The following AARS1 variants were observed in gnomAD, a reference collection of about 807,000 sequenced individuals.
AARS1 encodes the protein alanine--tRNA ligase, cytoplasmic.
In AARS1, 72 loss-of-function variants were observed where a neutral mutation model predicts 108.9. That is an observed-to-expected ratio of 0.66 (90% CI 0.55 to 0.80). The LOEUF is 0.80. AARS1 is among the 30% of genes least tolerant of loss of function. AARS1 has a pLI of 0.00. For missense variants in AARS1, 1,193 were observed against 1,233.2 expected (o/e 0.97, Z 0.49); for synonymous variants, 489 against 465.7 (o/e 1.05, Z -0.64).
At chr16:70,286,231 T>C (rs1197018599) in intron 1 of AARS1, among the ~76,000 whole-genome samples, 3 of 152,046 alleles carry the variant, frequency 2.0e-5, no homozygotes, top group African/African-American at 7.2e-5. Context: ...AACTCATTGA[T>C]TTATTCACTG....
chr16:70,278,391 C>A (rs1413131716), intron 2 of AARS1, among the ~76,000 whole-genome samples: 2 of 151,712 alleles, frequency 1.3e-5, no homozygotes, highest in African/African-American at 4.8e-5. Flanking sequence ...CATGGAGAAA[C>A]CCTGTCTCCA....
At chr16:70,286,263 G>C (rs1960835885) in intron 1 of AARS1, among the ~76,000 whole-genome samples, 2 of 152,082 alleles carry the variant, frequency 1.3e-5, no homozygotes, top group Non-Finnish European at 2.9e-5. Flanking sequence ...GGGATACAGA[G>C]GTAGCACAAA....
Position 70,282,735 on chromosome 16 carries a change from A to G in AARS1, c.29T>C (p.Ile10Thr), listed in dbSNP as rs1293134735. ...GAAGAAATCTATAAATCGCTGCCGGATTTCACTTGCTGTTAGAGTAGAGTC... is the reference window on the plus strand; with the variant it reads ...GAAGAAATCTATAAATCGCTGCCGGGTTTCACTTGCTGTTAGAGTAGAGTC... MDSTLTASEIRQRFIDFFKR... is the reference protein window; with the variant it reads MDSTLTASETRQRFIDFFKR... Residue 10 changes from isoleucine (I) to threonine (T), a missense_variant, in exon 2 of 21, where the codon ATC becomes ACC. Ile to Thr is a moderately conservative substitution (Grantham distance 89). Coordinates refer to ENST00000261772, the MANE Select transcript of AARS1 (RefSeq NM_001605.3). The G allele has an allele frequency of 1.2e-6, 2 of 1,614,126 alleles. No homozygotes were observed. The highest frequency in any genetic ancestry group is 1.7e-6 in the Non-Finnish European group (2 of 1,180,022).
At chr16:70,260,581 C>T (rs2152155421) in intron 13 of AARS1, among the ~76,000 whole-genome samples, 1 of 152,318 alleles carries the variant, frequency 6.6e-6, no homozygotes, top group Non-Finnish European at 1.5e-5. Context: ...TAGATTAACT[C>T]TTAGTTGCAT....
intron 15 of AARS1, 132 bp downstream of exon 15, chr16:70,257,901 G>A (rs888421133): frequency 2.1e-6 from 2 of 961,394 alleles, no homozygotes; most frequent in South Asian, 1.4e-5. Flanking sequence ...TCTTGGGAAC[G>A]CTATTTAGCA....
At chr16:70,283,268 G>A (rs1176348142) in intron 1 of AARS1, among the ~76,000 whole-genome samples, 3 of 152,050 alleles carry the variant, frequency 2.0e-5, no homozygotes, top group Non-Finnish European at 4.4e-5. Context: ...ATGGTGGTGC[G>A]TGCCTGTAAT....
chr16:70,259,820 T>C (rs1960090990), intron 13 of AARS1, among the ~76,000 whole-genome samples: 1 of 152,016 alleles, frequency 6.6e-6, no homozygotes, highest in Non-Finnish European at 1.5e-5. Context: ...TTGCCCAGTC[T>C]GGAGTGCTAT....
At chr16:70,276,159 G>A (rs60567469) in intron 4 of AARS1, 10,828 of 172,058 alleles carry the variant, frequency 0.063, 1,286 homozygotes, top group African/African-American at 0.25. Context: ...AGGTTGCAGT[G>A]AGCCGAGGTC....
intron 1 of AARS1, among the ~76,000 whole-genome samples, chr16:70,284,670 G>A (rs1960797938): frequency 1.3e-5 from 2 of 152,182 alleles, no homozygotes; most frequent in African/African-American, 2.4e-5. Context: ...CTGGGGAGAA[G>A]TGACAGGCTT....
At chr16:70,270,150 T>C in intron 6 of AARS1, 46 bp downstream of exon 6, 3 of 1,611,580 alleles carry the variant, frequency 1.9e-6, no homozygotes, top group Non-Finnish European at 2.5e-6. Flanking sequence ...GAGTACAGCC[T>C]GGAAAACTCC....
chr16:70,269,915 T>G, intron 6 of AARS1, 152 bp from the exon 7 acceptor site: 2 of 1,084,364 alleles, frequency 1.8e-6, no homozygotes, highest in South Asian at 1.3e-5. Context: ...ATTGGGGAAG[T>G]AGAGAGACTC....
chr16:70,287,514 G>A (rs1354360410), intron 1 of AARS1, among the ~76,000 whole-genome samples: 2 of 151,310 alleles, frequency 1.3e-5, no homozygotes, highest in Non-Finnish European at 2.9e-5. Flanking sequence ...GAAACAGGAG[G>A]ATTGCTTGAG....
intron 16 of AARS1, among the ~76,000 whole-genome samples, chr16:70,255,262 C>T (rs530160882): frequency 1.5e-5 from 2 of 137,630 alleles, no homozygotes; most frequent in Middle Eastern, 4.5e-3. Context: ...CGCAGTGGTG[C>T]GATCTCGGCT....
At chr16:70,275,383 C>A (rs8056196) in intron 4 of AARS1, among the ~76,000 whole-genome samples, 14,460 of 150,574 alleles carry the variant, frequency 0.096, 2,241 homozygotes, top group African/African-American at 0.33. Flanking sequence ...TGGGAGGCCA[C>A]GGCGGGCAGA....
At chr16:70,283,069 T>C (rs1029221694) in intron 1 of AARS1, among the ~76,000 whole-genome samples, 5 of 152,100 alleles carry the variant, frequency 3.3e-5, no homozygotes, top group Non-Finnish European at 5.9e-5. Flanking sequence ...GTATCGAGCA[T>C]CTGCTCTGTG....
rs929098537 is a variant in AARS1 at position 70,265,550 on chromosome 16, C to T, written c.1335G>A (p.Arg445=). 6.2e-7 allele frequency: 1 copy of T among 1,614,024 alleles called. No homozygotes were observed. The highest frequency in any genetic ancestry group is 8.5e-7 in the Non-Finnish European group (1 of 1,179,940). Reference sequence around the variant, plus strand: ...CCAAGTTCTTTACCTGGGCCAGTTTCCTCTCCTCTTCAAAGCCATCCATGT... The same window carrying T: ...CCAAGTTCTTTACCTGGGCCAGTTTTCTCTCCTCTTCAAAGCCATCCATGT... ...VVDMDGFEEE[R]KLAQLKSQGK... is the part of the protein sequence containing the mutation. The change falls in exon 10 of 21, where the codon AGG becomes AGA. Residue 445 remains arginine, a synonymous_variant. Coordinates refer to ENST00000261772, the MANE Select transcript of AARS1 (RefSeq NM_001605.3).
rs538123541 is a variant in AARS1 at position 70,281,351 on chromosome 16, A to AC, written c.144+1268dup. Among the ~76,000 whole-genome samples, 429 of 152,028 alleles carry AC rather than the reference A, an allele frequency of 2.8e-3. 2 individuals carry two copies. The highest frequency in any genetic ancestry group is 0.01 in the Middle Eastern group (3 of 294). On this transcript the variant is annotated intron_variant, in intron 2 of 20. Transcript: ENST00000261772. ...AGACCAGCCTGAACAACTTGGTGAG[A>AC]CCCCCATCTCTGCATATAAATAAAT...
chr16:70,252,355 A>T lies in AARS1; in HGVS notation c.*366T>A, dbSNP rs574061125. On this transcript the variant is annotated 3_prime_UTR_variant, in exon 21 of 21. Coordinates refer to ENST00000261772, the MANE Select transcript of AARS1 (RefSeq NM_001605.3). ...AAGGCTGTCAAAAGAGCCAGCCCCT[A>T]TTGGGAAGAGGGATAGAGATCATGC... 8.4e-6 allele frequency: 3 copies of T among 357,086 alleles called. No homozygotes were observed. The highest frequency in any genetic ancestry group is 6.7e-5 in the East Asian group (1 of 14,896). The allele number at this position is 357,086 out of a possible 1,614,324, so 22.1% of individuals were successfully genotyped here.
In AARS1 at chr16:70,265,107, C is replaced by T. The variant is rs1341650217; in HGVS notation, c.1348-5G>A. 7.4e-6 allele frequency: 12 copies of T among 1,614,076 alleles called. No individual in the cohort carries two copies. The East Asian group carries it at 2.5e-4, about 33-fold the overall frequency. On this transcript the variant is annotated splice_region_variant and splice_polypyrimidine_tract_variant and intron_variant, in intron 10 of 20. Coordinates refer to ENST00000261772, the MANE Select transcript of AARS1 (RefSeq NM_001605.3). ...TCCCTTGCCCTGTGATTTCAGCTGT[C>T]AGCAAGAGAAACAAGCATAAGTTAC...
Sources: gnomAD v4.1 joint callset for allele counts (sites outside exome capture counted in the v4.1 genomes callset) on GRCh38, gnomAD v4.1.1 for gene constraint, MANE v1.5 for transcripts, NCBI Gene and HGNC (gene_info 2026-07-23, HGNC 2026-07-21) for gene names.